IGFN1: variants seen among roughly 807,000 people sequenced by gnomAD.
IGFN1 encodes the protein immunoglobulin-like and fibronectin type III domain-containing protein 1.
A neutral mutation model predicts 289.5 loss-of-function variants in IGFN1; 253 were observed. The observed-to-expected ratio is 0.87, with a 90% CI of 0.79 to 0.97. The LOEUF (loss-of-function observed/expected upper bound fraction) is 0.97, where lower values mean the gene tolerates loss of function less well. IGFN1 is among the 50% of genes least tolerant of loss of function. IGFN1 has a pLI of 0.00. For missense variants in IGFN1, 4,470 were observed against 4,686.1 expected, an observed-to-expected ratio of 0.95 and a Z score of 1.35; for synonymous variants, 1,706 against 1,788.5, an observed-to-expected ratio of 0.95 and a Z score of 1.16.
In IGFN1 at chr1:201,212,685, G is replaced by T; in HGVS notation, c.7792G>T (p.Asp2598Tyr). The T allele has an allele frequency of 6.5e-7, 1 of 1,547,788 alleles. No individual in the cohort carries two copies. Among genetic ancestry groups the T allele is most frequent in the African/African-American group, 1.4e-5 (1 of 73,098 alleles). Residue 2598 changes from aspartate (D) to tyrosine (Y), a missense_variant, in exon 12 of 24, where the codon GAT becomes TAT. Asp to Tyr is a radical substitution (Grantham distance 160). Coordinates refer to ENST00000335211, the MANE Select transcript of IGFN1 (RefSeq NM_001164586.2). The stretch of plus-strand genomic sequence containing the variant: ...AGGGAGTTCAGTGGGGACAGGTCAG[G>T]ATCTGGACAGCGGCTCTATGCCTGG... Reference protein sequence around the residue: ...GSGSSVGTGQDLDSGSMPGGR... With the variant: ...GSGSSVGTGQYLDSGSMPGGR...
chr1:201,224,432 G>A (rs182927190), intron 20 of IGFN1, among the ~76,000 whole-genome samples: 6 of 152,160 alleles, frequency 3.9e-5, no homozygotes, highest in South Asian at 4.1e-4. Context: ...CATTTTTGCC[G>A]AACCTCTTCG....
chr1:201,199,260 A>G, intron 5 of IGFN1, 74 bp from the exon 6 acceptor site: 1 of 1,298,404 alleles, frequency 7.7e-7, no homozygotes, highest in South Asian at 1.3e-5. Flanking sequence ...TTTCTCAGGA[A>G]GACCATCAAC....
intron 2 of IGFN1, among the ~76,000 whole-genome samples, chr1:201,193,784 T>C (rs765798686): frequency 1.5e-4 from 23 of 152,132 alleles, no homozygotes; most frequent in South Asian, 4.1e-4. Flanking sequence ...GGTTTTGATT[T>C]GTTTTCCTGA....
rs1020110265 is a variant in IGFN1 at position 201,228,562 on chromosome 1, C to G, written c.*163C>G. On this transcript the variant is annotated 3_prime_UTR_variant, in exon 24 of 24. Coordinates refer to ENST00000335211, the MANE Select transcript of IGFN1 (RefSeq NM_001164586.2). ...GTTTTGGCCAGGAGGACGTGAAGTC[C>G]TTGGGGAAGAAAAACAAGGGAGGAG... 9.6e-6 allele frequency: 7 copies of G among 730,888 alleles called. No individual in the cohort carries two copies. The highest frequency in any genetic ancestry group is 1.7e-5 in the Non-Finnish European group (7 of 413,584). The allele number at this position is 730,888 out of a possible 1,614,324, so 45.3% of individuals were successfully genotyped here. A position where few individuals can be genotyped will look rare whatever the true frequency, so the allele number is the denominator to read the frequency against.
chr1:201,197,350 C>T, intron 5 of IGFN1, 33 bp downstream of exon 5: 1 of 1,377,914 alleles, frequency 7.3e-7, no homozygotes, highest in Non-Finnish European at 1.0e-6. Flanking sequence ...CTCATCAGTG[C>T]ACAGGGCAGA....
intron 23 of IGFN1, among the ~76,000 whole-genome samples, 172 bp downstream of exon 23, chr1:201,227,380 C>G (rs967210996): frequency 1.3e-5 from 2 of 152,064 alleles, no homozygotes; most frequent in African/African-American, 4.8e-5. Context: ...AACACCGGCC[C>G]ACATGTGGTC....
Position 201,208,277 on chromosome 1 carries a change from A to G in IGFN1, c.3384A>G (p.Arg1128=). ...WGQTGNYGGF[R]ASEALGAFGE... is the part of the protein sequence containing the mutation. ...AGACTGGAAATTATGGGGGCTTCAGAGCCTCAGAGGCCCTGGGGGCCTTTG... is the reference window on the plus strand; with the variant it reads ...AGACTGGAAATTATGGGGGCTTCAGGGCCTCAGAGGCCCTGGGGGCCTTTG... The change falls in exon 12 of 24, where the codon AGA becomes AGG. Residue 1128 remains arginine (R), a synonymous_variant. Transcript: ENST00000335211. 1 of 1,535,484 alleles carries G rather than the reference A, an allele frequency of 6.5e-7. No homozygotes were observed. The highest frequency in any genetic ancestry group is 1.2e-5 in the South Asian group (1 of 83,956).
rs1410280939 is a variant in IGFN1, at chr1:201,210,487, G to A, written c.5594G>A (p.Gly1865Asp). 10 of 1,357,066 alleles carry A rather than the reference G, an allele frequency of 7.4e-6. No homozygotes were observed. The highest frequency in any genetic ancestry group is 8.7e-6 in the Non-Finnish European group (9 of 1,031,492). The allele number at this position is 1,357,066 out of a possible 1,614,324, so 84.1% of individuals were successfully genotyped here. The change falls in exon 12 of 24, where the codon GGT (glycine) becomes GAT (aspartate). Residue 1865 changes from glycine to aspartate, a missense_variant. By Grantham distance (94) the Gly-to-Asp change is moderately conservative. Transcript: ENST00000335211. ...GATTTGGGTGCTCCTAAGGGAATAG[G>A]TTCAGGGAGCAAGGCAGATTTTAGG... is the stretch of plus-strand genomic sequence containing the variant. Reference protein sequence around the residue: ...RKDLGAPKGIGSGSKADFRDA... With the variant: ...RKDLGAPKGIDSGSKADFRDA...
intron 5 of IGFN1, among the ~76,000 whole-genome samples, 164 bp from the exon 6 acceptor site, chr1:201,199,170 C>T (rs1426741520): frequency 6.6e-6 from 1 of 152,184 alleles, no homozygotes. Context: ...ACAGACCCTC[C>T]ACCCTGCTCC....
At chr1:201,191,726 C>T (rs1035215040) in intron 1 of IGFN1, among the ~76,000 whole-genome samples, 2 of 152,126 alleles carry the variant, frequency 1.3e-5, no homozygotes, top group African/African-American at 2.4e-5. Context: ...CCCTAAGTTC[C>T]CCCAAGAGCT....
At position 201,228,488 on chromosome 1, in the gene IGFN1, G is replaced by C; in HGVS notation, c.*89G>C. ...CGGGAAGCCAATCCCAAGGATGGAG[G>C]CTGTGCCCAGAGCCCCAGGAAAATG... On this transcript the variant is annotated 3_prime_UTR_variant, in exon 24 of 24. Coordinates refer to ENST00000335211, the MANE Select transcript of IGFN1 (RefSeq NM_001164586.2). 3 of 1,384,092 alleles carry C rather than the reference G, an allele frequency of 2.2e-6. No homozygotes were observed. Among genetic ancestry groups the C allele is most frequent in the Non-Finnish European group, 3.1e-6 (3 of 970,352 alleles). 85.7% of individuals were successfully genotyped at this position (1,384,092 alleles called of 1,614,324 possible).
chr1:201,201,666 C>T (rs2102325982), intron 8 of IGFN1, 53 bp from the exon 9 acceptor site: 1 of 966,138 alleles, frequency 1.0e-6, no homozygotes, highest in African/African-American at 1.6e-5. Context: ...TTCAGAGTAC[C>T]CCGAAGAGAG....
chr1:201,224,652 C>T, intron 20 of IGFN1, 27 bp from the exon 21 acceptor site: 1 of 1,606,068 alleles, frequency 6.2e-7, no homozygotes, highest in African/African-American at 1.3e-5. Flanking sequence ...TTCCCCTTCT[C>T]AACTTTTCCT....
intron 16 of IGFN1, 126 bp from the exon 17 acceptor site, chr1:201,217,161 G>T (rs543205724): frequency 9.7e-6 from 8 of 828,732 alleles, no homozygotes; most frequent in African/African-American, 6.9e-5. Flanking sequence ...CCTCAGCCCC[G>T]ACACTCACCA....
intron 14 of IGFN1, 116 bp from the exon 15 acceptor site, chr1:201,215,422 TG>T: frequency 1.1e-6 from 1 of 951,932 alleles, no homozygotes; most frequent in Non-Finnish European, 1.6e-6. Context: ...TGTCCTCATG[TG>T]GTGGGGCAGG....
At chr1:201,196,510 A>C (rs1007068153) in intron 4 of IGFN1, among the ~76,000 whole-genome samples, 1 of 152,068 alleles carries the variant, frequency 6.6e-6, no homozygotes, top group African/African-American at 2.4e-5. Flanking sequence ...ACGCCCGACT[A>C]ATTTTTGTAT....
chr1:201,219,744 G>A (rs1338075656), intron 18 of IGFN1, among the ~76,000 whole-genome samples: 1 of 152,208 alleles, frequency 6.6e-6, no homozygotes, highest in Non-Finnish European at 1.5e-5. Context: ...CTGTTTGAAT[G>A]AACCCAACAA....
rs1166439777 is a variant in IGFN1 at position 201,193,332 on chromosome 1, C to T, written c.7+32C>T. 2.6e-6 allele frequency: 4 copies of T among 1,520,256 alleles called. No homozygotes were observed. The Admixed American group carries it at 5.9e-5, about 22-fold the overall frequency. The allele number at this position is 1,520,256 out of a possible 1,614,324, so 94.2% of individuals were successfully genotyped here. ...GAAGAACTAATCTCCCCTCCCCAGC[C>T]CTCCCTGGCGATCCTTACCAGGACA... is the stretch of plus-strand genomic sequence containing the variant. On this transcript the variant is annotated intron_variant, in intron 2 of 23. Transcript: ENST00000335211.
intron 1 of IGFN1, among the ~76,000 whole-genome samples, chr1:201,191,902 T>A (rs1490764432): frequency 1.3e-5 from 2 of 151,656 alleles, no homozygotes; most frequent in Non-Finnish European, 2.9e-5. Context: ...CTCAGATAGC[T>A]GTGTTGAACT....
Sources: gnomAD v4.1 joint callset for allele counts (sites outside exome capture counted in the v4.1 genomes callset) on GRCh38, gnomAD v4.1.1 for gene constraint, MANE v1.5 for transcripts, NCBI Gene and HGNC (gene_info 2026-07-23, HGNC 2026-07-21) for gene names.